LPP: variants seen among roughly 807,000 people sequenced by gnomAD.
The protein encoded by LPP is LIM domain containing preferred translocation partner in lipoma.
LPP carries 38 observed loss-of-function variants against 60.4 expected under a neutral mutation model. The observed-to-expected ratio is 0.63, with a 90% CI of 0.49 to 0.83. The LOEUF (loss-of-function observed/expected upper bound fraction) is 0.83. Among genes scored for constraint, LPP ranks in the 40% least tolerant of loss-of-function variants. LPP has a pLI of 0.00. For missense variants in LPP, 902 were observed against 783.6 expected (o/e 1.15, Z -1.80); for synonymous variants, 328 against 290.8 (o/e 1.13, Z -1.30).
chr3:188,819,521 T>C (rs1457655001), intron 9 of LPP, among the ~76,000 whole-genome samples: 3 of 152,124 alleles, frequency 2.0e-5, no homozygotes, highest in African/African-American at 7.2e-5. Flanking sequence ...AAATTGACTT[T>C]GTTGAAGGGT....
intron 4 of LPP, among the ~76,000 whole-genome samples, chr3:188,458,060 C>A (rs921646843): frequency 4.6e-5 from 7 of 152,172 alleles, no homozygotes; most frequent in Admixed American, 3.9e-4. Flanking sequence ...TAGGCAAACT[C>A]AAATATTGTA....
At chr3:188,289,633 A>G (rs1249841859) in intron 2 of LPP, among the ~76,000 whole-genome samples, 1 of 152,166 alleles carries the variant, frequency 6.6e-6, no homozygotes, top group Non-Finnish European at 1.5e-5. Context: ...GTCTCCCTGT[A>G]AACACATGTT....
intron 9 of LPP, among the ~76,000 whole-genome samples, chr3:188,766,678 G>C (rs763160771): frequency 2.0e-5 from 3 of 152,154 alleles, no homozygotes; most frequent in Non-Finnish European, 4.4e-5. Flanking sequence ...CCCATTTGCT[G>C]TTGCTAGGTT....
chr3:188,835,523 G>A (rs1031298824), intron 9 of LPP, among the ~76,000 whole-genome samples: 6 of 152,102 alleles, frequency 3.9e-5, no homozygotes, highest in African/African-American at 1.4e-4. Context: ...GGAGGCGGAG[G>A]CAGGAGAATC....
Position 188,878,785 on chromosome 3 carries a change from AAAAG to A in LPP, c.*4312_*4315del, listed in dbSNP as rs979659921. On this transcript the variant is annotated 3_prime_UTR_variant, in exon 12 of 12. Coordinates refer to ENST00000617246, the MANE Select transcript of LPP (RefSeq NM_001375462.1). ...AAAAAAAAAAAAAAAAGAAAGAAAG[AAAAG>A]AAAGAGAGAGAAGTCAACTTTTCAT... 3.4e-5 allele frequency: 7 copies of A among 207,980 alleles called. No homozygotes were observed. The highest frequency in any genetic ancestry group is 6.8e-5 in the African/African-American group (3 of 44,022). The allele number at this position is 207,980 out of a possible 1,614,324, so 12.9% of individuals were successfully genotyped here.
intron 7 of LPP, among the ~76,000 whole-genome samples, chr3:188,672,712 G>A (rs1857187623): frequency 6.6e-6 from 1 of 152,118 alleles, no homozygotes; most frequent in East Asian, 1.9e-4. Context: ...GCCTTTCACT[G>A]TTTTCCAATC....
chr3:188,167,577 TTGTG>T (rs1187806177), intron 1 of LPP, among the ~76,000 whole-genome samples: 1 of 131,220 alleles, frequency 7.6e-6, no homozygotes, highest in Non-Finnish European at 1.6e-5. Context: ...AATGTTATCT[TTGTG>T]TGTGTGTTGT....
At chr3:188,678,692 A>C (rs1858696353) in intron 7 of LPP, among the ~76,000 whole-genome samples, 1 of 152,132 alleles carries the variant, frequency 6.6e-6, no homozygotes, top group East Asian at 1.9e-4. Flanking sequence ...TTTTTTGGGC[A>C]CCCTCAATGG....
chr3:188,452,463 T>C (rs1447320571), intron 4 of LPP, among the ~76,000 whole-genome samples: 1 of 152,188 alleles, frequency 6.6e-6, no homozygotes, highest in Non-Finnish European at 1.5e-5. Context: ...TCAGCTAAGA[T>C]GCTTCACAAT....
intron 6 of LPP, among the ~76,000 whole-genome samples, chr3:188,561,884 G>C (rs1162565354): frequency 6.6e-6 from 1 of 151,990 alleles, no homozygotes; most frequent in Non-Finnish European, 1.5e-5. Flanking sequence ...ACTGTTATGA[G>C]TAAAGATAAA....
At chr3:188,320,961 A>G (rs1471608458) in intron 2 of LPP, among the ~76,000 whole-genome samples, 3 of 152,226 alleles carry the variant, frequency 2.0e-5, no homozygotes, top group East Asian at 3.9e-4. Flanking sequence ...GTAAGCTGTC[A>G]TATTTTCGGT....
rs1043544852 is a variant in LPP, at chr3:188,456,610, G to A, written c.194-27982G>A. On this transcript the variant is annotated intron_variant, in intron 4 of 11. Transcript: ENST00000617246. The stretch of plus-strand genomic sequence containing the variant: ...GGTGTGTGTAGGTATGCCTAAAGGC[G>A]TGAAAATATTTCCAAGAAGGATTGC... Among the ~76,000 whole-genome samples the A allele has an allele frequency of 5.9e-5, 9 of 152,194 alleles. No individual in the cohort carries two copies. In the South Asian group the frequency reaches 6.2e-4, roughly 11 times the overall value.
chr3:188,347,187 G>A (rs1049004603), intron 3 of LPP, among the ~76,000 whole-genome samples: 4 of 152,208 alleles, frequency 2.6e-5, no homozygotes, highest in Non-Finnish European at 4.4e-5. Context: ...TAACATTGAA[G>A]ACAAATAGAG....
chr3:188,261,401 G>A (rs751083555), intron 2 of LPP, among the ~76,000 whole-genome samples: 2 of 152,086 alleles, frequency 1.3e-5, no homozygotes, highest in Admixed American at 6.6e-5. Context: ...TTATGTGAAT[G>A]ACGGCATTTA....
intron 2 of LPP, among the ~76,000 whole-genome samples, chr3:188,244,598 A>G (rs1192592734): frequency 2.6e-5 from 4 of 152,178 alleles, no homozygotes; most frequent in African/African-American, 7.2e-5. Flanking sequence ...GGACTTTCTC[A>G]CTGTGTGTGG....
chr3:188,483,525 T>C (rs1484956918), intron 4 of LPP, among the ~76,000 whole-genome samples: 1 of 152,158 alleles, frequency 6.6e-6, no homozygotes, highest in East Asian at 1.9e-4. Context: ...AAATAACAAA[T>C]AAAGAACAGG....
Position 188,843,786 on chromosome 3 carries a change from C to CAAAAAAAAAAAAAAAAAAAAAAAAAAAAA in LPP, c.1411-22402_1411-22401insAAAAAAAAAAAAAAAAAAAAAAAAAAAAA, listed in dbSNP as rs544161994. ...TGGGCGACAGAGCAAGACTCCGTCT[C>CAAAAAAAAAAAAAAAAAAAAAAAAAAAAA]AAAAAAAAAAAATCCTTCCTCTGGG... On this transcript the variant is annotated intron_variant, in intron 9 of 11. Transcript: ENST00000617246. 7.9e-5 allele frequency among the ~76,000 whole-genome samples: 6 copies of CAAAAAAAAAAAAAAAAAAAAAAAAAAAAA among 75,704 alleles called. 1 individual carries two copies. Among genetic ancestry groups the CAAAAAAAAAAAAAAAAAAAAAAAAAAAAA allele is most frequent in the African/African-American group, 2.0e-4 (4 of 20,478 alleles). The allele number at this position is 75,704 out of a possible 152,430, so 49.7% of individuals were successfully genotyped here. A position where few individuals can be genotyped will look rare whatever the true frequency, so the allele number is the denominator to read the frequency against.
At chr3:188,294,661 C>T (rs1439212022) in intron 2 of LPP, among the ~76,000 whole-genome samples, 1 of 152,150 alleles carries the variant, frequency 6.6e-6, no homozygotes, top group African/African-American at 2.4e-5. Context: ...TACTGACAGT[C>T]CTGATTGTAT....
At chr3:188,582,607 A>G (rs115285352) in intron 6 of LPP, among the ~76,000 whole-genome samples, 3 of 152,276 alleles carry the variant, frequency 2.0e-5, no homozygotes, top group Non-Finnish European at 4.4e-5. Context: ...CAGCTCTACA[A>G]TATGATATAA....
Sources: allele counts gnomAD v4.1 joint callset (sites outside exome capture counted in the v4.1 genomes callset), GRCh38; gene constraint gnomAD v4.1.1; transcripts MANE v1.5; gene names NCBI Gene and HGNC (gene_info 2026-07-23, HGNC 2026-07-21).